The following TDRD1 variants were observed in gnomAD, a reference collection of about 807,000 sequenced individuals.
The protein encoded by TDRD1 is tudor domain containing 1.
A neutral mutation model predicts 140.6 loss-of-function variants in TDRD1; 37 were observed. The observed-to-expected ratio is 0.26, with a 90% CI of 0.20 to 0.35. The LOEUF (loss-of-function observed/expected upper bound fraction) is 0.35, where lower values mean the gene tolerates loss of function less well. Ranked by LOEUF, TDRD1 falls within the 10% of genes least tolerant of loss-of-function variation. TDRD1 has a pLI of 1.00. For synonymous variants in TDRD1, 506 were observed against 475.7 expected, an observed-to-expected ratio of 1.06 and a Z score of -0.83; for missense variants, 1,243 against 1,393.0, an observed-to-expected ratio of 0.89 and a Z score of 1.71.
At chr10:114,222,490 AG>A (rs2036201524) in intron 20 of TDRD1, 96 bp from the exon 21 acceptor site, 1 of 573,276 alleles carries the variant, frequency 1.7e-6, no homozygotes, top group East Asian at 2.9e-5. Context: ...TAATACACAA[AG>A]GGTTTTTGGA....
At chr10:114,206,291 C>G in exon 11 of TDRD1, 1 of 1,613,362 alleles carries the variant, frequency 6.2e-7, no homozygotes, top group Non-Finnish European at 8.5e-7. Context: ...TGGCTTGAAA[C>G]CCAGTGGACA....
At chr10:114,225,519 G>C (rs2036383547) in intron 21 of TDRD1, among the ~76,000 whole-genome samples, 1 of 150,336 alleles carries the variant, frequency 6.7e-6, no homozygotes, top group African/African-American at 2.5e-5. Flanking sequence ...CCAATATTCT[G>C]TTGTCTTTTC....
At chr10:114,222,644 C>T (rs746219036) in exon 21 of TDRD1, 10 of 1,613,054 alleles carry the variant, frequency 6.2e-6, no homozygotes, top group Admixed American at 1.7e-5. Flanking sequence ...TGCAATGCTC[C>T]GAAAAGTCGA....
chr10:114,194,462 T>A (rs903563841), intron 3 of TDRD1, among the ~76,000 whole-genome samples: 4 of 152,150 alleles, frequency 2.6e-5, no homozygotes, highest in Non-Finnish European at 5.9e-5. Context: ...GTCAAATTTA[T>A]GTGTGGAAGT....
At position 114,203,585 on chromosome 10, in the gene TDRD1, G is replaced by T; in HGVS notation, c.981+18G>T. On this transcript the variant is annotated intron_variant, in intron 8 of 25. Coordinates refer to ENST00000251864, the Ensembl canonical transcript of TDRD1. ...TTGATCAGGTAACCTGTAATGAAAT[G>T]AATTATTTAAAACGTTTGAGCTAAC... The T allele has an allele frequency of 6.3e-7, 1 of 1,580,942 alleles. No individual in the cohort carries two copies. The highest frequency in any genetic ancestry group is 1.4e-5 in the African/African-American group (1 of 73,226).
chr10:114,218,550 C>A, exon 18 of TDRD1: 4 of 1,610,302 alleles, frequency 2.5e-6, no homozygotes, highest in Non-Finnish European at 3.4e-6. Context: ...CATTTTTAAA[C>A]CTTCCCTTTC....
chr10:114,215,214 G>T (rs888664139), intron 16 of TDRD1, among the ~76,000 whole-genome samples: 2 of 152,248 alleles, frequency 1.3e-5, no homozygotes, highest in African/African-American at 4.8e-5. Context: ...TTTCCTTGCT[G>T]CATAGTGTTC....
chr10:114,202,134 C>A, intron 5 of TDRD1, 104 bp from the exon 6 acceptor site: 1 of 848,012 alleles, frequency 1.2e-6, no homozygotes, highest in Non-Finnish European at 1.8e-6. Context: ...AGCTGTTTTG[C>A]TCTTTCAGGA....
chr10:114,199,983 G>A (rs942788793), intron 4 of TDRD1, among the ~76,000 whole-genome samples: 43 of 152,186 alleles, frequency 2.8e-4, no homozygotes, highest in Non-Finnish European at 5.1e-4. Context: ...ACACACAATG[G>A]CTGAGTCAAA....
chr10:114,202,093 A>T (rs2034783508), intron 5 of TDRD1, 145 bp from the exon 6 acceptor site: 1 of 607,320 alleles, frequency 1.6e-6, no homozygotes, highest in African/African-American at 1.9e-5. Flanking sequence ...AGCACTGGGG[A>T]GTTTTACATT....
intron 3 of TDRD1, among the ~76,000 whole-genome samples, chr10:114,191,780 A>G (rs981624846): frequency 3.3e-5 from 5 of 152,206 alleles, no homozygotes; most frequent in African/African-American, 4.8e-5. Flanking sequence ...ACTTTGTTTT[A>G]TAAGAAACTG....
exon 21 of TDRD1, chr10:114,222,679 G>A (rs761928491): frequency 1.2e-6 from 2 of 1,607,124 alleles, no homozygotes; most frequent in East Asian, 4.5e-5. Flanking sequence ...AAGAATTGGA[G>A]ACGCATGCTG....
intron 21 of TDRD1, among the ~76,000 whole-genome samples, chr10:114,225,551 A>G (rs577009186): frequency 7.9e-6 from 1 of 126,484 alleles, no homozygotes; most frequent in East Asian, 2.0e-4. Context: ...ACTCTATTCT[A>G]CGCATTTAAA....
At chr10:114,190,545 T>G (rs1435843848) in intron 2 of TDRD1, among the ~76,000 whole-genome samples, 1 of 152,242 alleles carries the variant, frequency 6.6e-6, no homozygotes, top group Non-Finnish European at 1.5e-5. Flanking sequence ...TGGAATGCAG[T>G]GGCGCTATCT....
chr10:114,220,562 T>C lies in TDRD1; in HGVS notation c.2495-6T>C. ...GATTCTTTTTACTGCTGTCCTTATT[T>C]TCTAGATATACAGTCTAGAAACAAA... On this transcript the variant is annotated splice_polypyrimidine_tract_variant and splice_region_variant and intron_variant, in intron 18 of 25. Transcript: ENST00000251864. 1 of 1,605,928 alleles carries C rather than the reference T, an allele frequency of 6.2e-7. No homozygotes were observed. Among genetic ancestry groups the C allele is most frequent in the South Asian group, 1.1e-5 (1 of 90,522 alleles).
chr10:114,201,228 T>A (rs2034718882), intron 4 of TDRD1, among the ~76,000 whole-genome samples, 182 bp from the exon 5 acceptor site: 1 of 152,118 alleles, frequency 6.6e-6, no homozygotes, highest in Non-Finnish European at 1.5e-5. Context: ...CTGATCTCCC[T>A]TTTTTTAATC....
intron 2 of TDRD1, among the ~76,000 whole-genome samples, chr10:114,188,708 C>G (rs900149771): frequency 2.8e-4 from 43 of 151,670 alleles, no homozygotes; most frequent in African/African-American, 9.9e-4. Context: ...AATACAGAAA[C>G]TAGCCGGGCG....
intron 3 of TDRD1, among the ~76,000 whole-genome samples, chr10:114,194,884 G>A (rs2034237191): frequency 6.7e-6 from 1 of 149,466 alleles, no homozygotes; most frequent in South Asian, 2.1e-4. Context: ...TGAGCCTCCT[G>A]GAGTAATTGG....
At chr10:114,181,106 C>G (rs1041835182) in intron 1 of TDRD1, among the ~76,000 whole-genome samples, 2 of 152,108 alleles carry the variant, frequency 1.3e-5, no homozygotes, top group African/African-American at 4.8e-5. Context: ...TCATTTTTGC[C>G]TGTAGAACTA....
Sources: gnomAD v4.1 joint callset for allele counts (sites outside exome capture counted in the v4.1 genomes callset) on GRCh38, gnomAD v4.1.1 for gene constraint, MANE v1.5 for transcripts, NCBI Gene and HGNC (gene_info 2026-07-23, HGNC 2026-07-21) for gene names.